The following TRAPPC9 variants were observed in gnomAD, a reference collection of about 807,000 sequenced individuals.
The protein encoded by TRAPPC9 is trafficking protein particle complex subunit 9.
A neutral mutation model predicts 124.0 loss-of-function variants in TRAPPC9; 83 were observed. The ratio of observed to expected loss-of-function variants is 0.67; its 90% CI spans 0.56 to 0.80. The LOEUF (loss-of-function observed/expected upper bound fraction) is 0.80. Among genes scored for constraint, TRAPPC9 ranks in the 30% least tolerant of loss-of-function variants. TRAPPC9 has a pLI of 0.00. For synonymous variants in TRAPPC9, 638 were observed against 617.5 expected, an observed-to-expected ratio of 1.03 and a Z score of -0.49; for missense variants, 1,302 against 1,508.3, an observed-to-expected ratio of 0.86 and a Z score of 2.27.
rs923730173 is a variant in TRAPPC9 at position 140,063,398 on chromosome 8, G to C, written c.2557-39319C>G. Among the ~76,000 whole-genome samples the C allele has an allele frequency of 6.6e-6, 1 of 152,152 alleles. No individual in the cohort carries two copies. Among genetic ancestry groups the C allele is most frequent in the African/African-American group, 2.4e-5 (1 of 41,450 alleles). On this transcript the variant is annotated intron_variant, in intron 17 of 22. Transcript: ENST00000438773. The surrounding 1 kb of genome is among the most constrained non-coding windows in gnomAD (Gnocchi z 4.3). ...CCAGGTAACACGGTACTCACTTTGA[G>C]AAATAATCCTACGGCCATCTTGTTC...
At chr8:140,230,929 T>G (rs2063576754) in intron 16 of TRAPPC9, among the ~76,000 whole-genome samples, 3 of 152,172 alleles carry the variant, frequency 2.0e-5, no homozygotes, top group African/African-American at 7.2e-5. Flanking sequence ...GGCTGGGGCT[T>G]TTAGGACCCC....
At chr8:139,805,178 C>T (rs916508297) in intron 21 of TRAPPC9, among the ~76,000 whole-genome samples, 2 of 152,230 alleles carry the variant, frequency 1.3e-5, no homozygotes, top group Non-Finnish European at 2.9e-5. Context: ...CCAAACCCTG[C>T]GGAGACCCCC....
At chr8:140,243,101 G>A (rs918259438) in intron 16 of TRAPPC9, among the ~76,000 whole-genome samples, 4 of 152,278 alleles carry the variant, frequency 2.6e-5, no homozygotes, top group East Asian at 1.9e-4. Context: ...GCAGCCCAGC[G>A]CCCACAGAAA....
intron 16 of TRAPPC9, among the ~76,000 whole-genome samples, chr8:140,229,019 A>T (rs2063519814): frequency 6.6e-6 from 1 of 152,216 alleles, no homozygotes; most frequent in Non-Finnish European, 1.5e-5. Flanking sequence ...AGGTATATGC[A>T]GAACTTTTTT....
At chr8:140,179,306 T>C (rs72687259) in intron 17 of TRAPPC9, among the ~76,000 whole-genome samples, 22,434 of 152,104 alleles carry the variant, frequency 0.15, 2,051 homozygotes, top group Middle Eastern at 0.22. Flanking sequence ...TGTTTTCAAA[T>C]TACCCTGTGA....
intron 17 of TRAPPC9, among the ~76,000 whole-genome samples, chr8:140,113,733 C>A (rs1231963746): frequency 6.6e-6 from 1 of 152,096 alleles, no homozygotes; most frequent in Non-Finnish European, 1.5e-5. Flanking sequence ...AAGTTCAAGT[C>A]CAGGGAGTCT....
Position 140,257,501 on chromosome 8 carries a change from A to G in TRAPPC9, c.2279-4572T>C, listed in dbSNP as rs1159459195. On this transcript the variant is annotated intron_variant, in intron 15 of 22. Coordinates refer to ENST00000438773, the MANE Select transcript of TRAPPC9 (RefSeq NM_001160372.4). This position sits in a 1 kb window ranked among gnomAD's most constrained non-coding sequence, Gnocchi z 4.6. ...CCCCAGACAGGAGCCCAGGAGTGGG[A>G]AAAAGGACCCCGTGCCATGCGAGCG... Among the ~76,000 whole-genome samples, 2 of 152,174 alleles carry G rather than the reference A, an allele frequency of 1.3e-5. No individual in the cohort carries two copies. The highest frequency in any genetic ancestry group is 1.5e-5 in the Non-Finnish European group (1 of 68,020).
intron 21 of TRAPPC9, among the ~76,000 whole-genome samples, chr8:139,852,207 C>T (rs1254639853): frequency 6.6e-6 from 1 of 152,174 alleles, no homozygotes; most frequent in Admixed American, 6.5e-5. Flanking sequence ...ATTGTGAGGC[C>T]TCCCCAACCA....
At position 140,116,935 on chromosome 8, in the gene TRAPPC9, G is replaced by A. The variant is rs373186774; in HGVS notation, c.2557-92856C>T. ...AGTAGGCGGAGTTCAGTGAGTAGGCGGAGTTCAGTGAGTAGGCGGAGTTCA... is the reference window on the plus strand; with the variant it reads ...AGTAGGCGGAGTTCAGTGAGTAGGCAGAGTTCAGTGAGTAGGCGGAGTTCA... On this transcript the variant is annotated intron_variant, in intron 17 of 22. Transcript: ENST00000438773. 5.3e-5 allele frequency among the ~76,000 whole-genome samples: 8 copies of A among 151,864 alleles called. No individual in the cohort carries two copies. In the East Asian group the frequency reaches 1.2e-3, roughly 22 times the overall value.
At chr8:139,829,484 C>T (rs991662295) in intron 21 of TRAPPC9, among the ~76,000 whole-genome samples, 6 of 152,264 alleles carry the variant, frequency 3.9e-5, no homozygotes, top group Admixed American at 2.6e-4. Flanking sequence ...TGCCTCAATG[C>T]TCATCTGCAC....
chr8:139,994,768 T>C (rs867130918), intron 18 of TRAPPC9, among the ~76,000 whole-genome samples: 1 of 152,076 alleles, frequency 6.6e-6, no homozygotes, highest in Non-Finnish European at 1.5e-5. Context: ...AAAGCAATCA[T>C]GTGATGGTCT....
intron 17 of TRAPPC9, among the ~76,000 whole-genome samples, chr8:140,144,480 ATT>A (rs2061427352): frequency 6.6e-6 from 1 of 151,484 alleles, no homozygotes; most frequent in African/African-American, 2.4e-5. Context: ...TCATTCATTC[ATT>A]CATTCATTCA....
Position 139,872,494 on chromosome 8 carries a change from G to C in TRAPPC9, c.3055+13385C>G, listed in dbSNP as rs1199164291. Among the ~76,000 whole-genome samples the C allele has an allele frequency of 2.3e-5, 3 of 130,048 alleles. 1 individual carries two copies. The highest frequency in any genetic ancestry group is 5.2e-5 in the Non-Finnish European group (3 of 57,700). 85.3% of individuals were successfully genotyped at this position (130,048 alleles called of 152,430 possible). ...TGGACGGATGGGTGGGCTGGTGGATGGGTTGATGGGTAAATGGTTGGATAA... is the reference window on the plus strand; with the variant it reads ...TGGACGGATGGGTGGGCTGGTGGATCGGTTGATGGGTAAATGGTTGGATAA... On this transcript the variant is annotated intron_variant, in intron 21 of 22. Transcript: ENST00000438773.
chr8:139,877,205 A>G (rs973660078), intron 21 of TRAPPC9, among the ~76,000 whole-genome samples: 1 of 152,252 alleles, frequency 6.6e-6, no homozygotes, highest in Non-Finnish European at 1.5e-5. Context: ...AGCTATAAAG[A>G]GGAAAGTGTT....
rs564456919 is a variant in TRAPPC9, at chr8:139,861,530, A to G, written c.3055+24349T>C. On this transcript the variant is annotated intron_variant, in intron 21 of 22. Coordinates refer to ENST00000438773, the MANE Select transcript of TRAPPC9 (RefSeq NM_001160372.4). ...AAAGTTGTTTACTGAAACTAGAAGC[A>G]AGGGGGCGAAGAGAACCAGGAAGTT... Among the ~76,000 whole-genome samples the G allele has an allele frequency of 2.0e-5, 3 of 152,324 alleles. No individual in the cohort carries two copies. The East Asian group carries it at 5.8e-4, about 29-fold the overall frequency.
intron 17 of TRAPPC9, among the ~76,000 whole-genome samples, chr8:140,039,059 C>T (rs150959323): frequency 3.8e-4 from 58 of 152,302 alleles, no homozygotes; most frequent in Non-Finnish European, 6.8e-4. Context: ...AGATCCCATC[C>T]GGTGTTAAAT....
At chr8:140,398,289 A>C (rs1421475574) in intron 6 of TRAPPC9, among the ~76,000 whole-genome samples, 1 of 152,240 alleles carries the variant, frequency 6.6e-6, no homozygotes, top group Non-Finnish European at 1.5e-5. Context: ...CTGAAAAAAT[A>C]CCTGAAAATG....
At chr8:139,837,179 A>T (rs1212187363) in intron 21 of TRAPPC9, among the ~76,000 whole-genome samples, 2 of 152,206 alleles carry the variant, frequency 1.3e-5, no homozygotes, top group Non-Finnish European at 2.9e-5. Flanking sequence ...GAAAGGCTGG[A>T]CTACGGTTCT....
At chr8:140,079,123 C>T (rs940146520) in intron 17 of TRAPPC9, among the ~76,000 whole-genome samples, 3 of 152,180 alleles carry the variant, frequency 2.0e-5, no homozygotes, top group African/African-American at 7.2e-5. Flanking sequence ...TGCACATGCT[C>T]TCTTGCCTGC....
Sources: gnomAD v4.1 joint callset for allele counts (sites outside exome capture counted in the v4.1 genomes callset) on GRCh38, gnomAD v4.1.1 for gene constraint, Gnocchi (gnomAD v3.1) non-coding constraint, MANE v1.5 for transcripts, NCBI Gene and HGNC (gene_info 2026-07-23, HGNC 2026-07-21) for gene names.